The following ITGA4 variants were observed in gnomAD, a reference collection of about 807,000 sequenced individuals.
The protein encoded by ITGA4 is integrin alpha-4.
In ITGA4, 63 loss-of-function variants were observed where a neutral mutation model predicts 133.6. That is an observed-to-expected ratio of 0.47 (90% confidence interval 0.38 to 0.58). The LOEUF (loss-of-function observed/expected upper bound fraction) is 0.58, where lower values mean the gene tolerates loss of function less well. Ranked by LOEUF, ITGA4 falls within the 20% of genes least tolerant of loss-of-function variation. The probability of loss-of-function intolerance (pLI) is 0.00; values close to 1 mark genes in which losing one functional copy is unlikely to be tolerated. For synonymous variants in ITGA4, 483 were observed against 438.0 expected (o/e 1.10, Z -1.28); for missense variants, 1,076 against 1,252.7 (o/e 0.86, Z 2.13).
chr2:181,490,152 G>A (rs954292437), intron 10 of ITGA4, among the ~76,000 whole-genome samples: 3 of 152,190 alleles, frequency 2.0e-5, no homozygotes, highest in African/African-American at 7.2e-5. Flanking sequence ...AACCAATTAG[G>A]TCGGGGTCGA....
chr2:181,466,825 C>T (rs1685427806), intron 2 of ITGA4, among the ~76,000 whole-genome samples: 2 of 152,060 alleles, frequency 1.3e-5, no homozygotes, highest in Admixed American at 1.3e-4. Context: ...GCATTGTGAG[C>T]GCCCTCTGCT....
chr2:181,530,643 G>A lies in ITGA4; in HGVS notation c.2658G>A (p.Arg886=). 1 of 1,609,762 alleles carries A rather than the reference G, an allele frequency of 6.2e-7. No individual in the cohort carries two copies. The highest frequency in any genetic ancestry group is 1.7e-5 in the Admixed American group (1 of 59,648). The change falls in exon 24 of 28, where the codon AGG becomes AGA. Residue 886 remains arginine, a synonymous_variant. Transcript: ENST00000397033. ...IVRFLSKTDK[R]LLYCIKADPH... is the part of the protein sequence containing the mutation. ...GGTTCTTGTCCAAGACTGATAAGAG[G>A]CTATTGGTAAGTTTCAGTTTTTCAG...
At chr2:181,463,135 A>G (rs1685326746) in intron 2 of ITGA4, among the ~76,000 whole-genome samples, 1 of 152,194 alleles carries the variant, frequency 6.6e-6, no homozygotes, top group South Asian at 2.1e-4. Flanking sequence ...GTTTGCCAGA[A>G]AGAGCAAACT....
chr2:181,481,579 T>A lies in ITGA4; in HGVS notation c.755-19T>A. The stretch of plus-strand genomic sequence containing the variant: ...TGTACTTTACCCAGGACTCTCATAC[T>A]TTCTCCCTTTTCTTAAAGGATATTC... On this transcript the variant is annotated intron_variant, in intron 6 of 27. Coordinates refer to ENST00000397033, the MANE Select transcript of ITGA4 (RefSeq NM_000885.6). 5 of 1,469,622 alleles carry A rather than the reference T, an allele frequency of 3.4e-6. No homozygotes were observed. Among genetic ancestry groups the A allele is most frequent in the Non-Finnish European group, 4.7e-6 (5 of 1,056,478 alleles). The allele number at this position is 1,469,622 out of a possible 1,614,324, so 91.0% of individuals were successfully genotyped here.
Position 181,537,688 on chromosome 2 carries a change from G to A in ITGA4, c.*2161G>A, listed in dbSNP as rs1687222664. ...TTCAGAATTATCTAGGTTAAATATT[G>A]ATGTATTATGATGGTTGCAAAGTTT... On this transcript the variant is annotated 3_prime_UTR_variant, in exon 28 of 28. Transcript: ENST00000397033. 2.4e-6 allele frequency: 1 copy of A among 423,718 alleles called. No individual in the cohort carries two copies. The highest frequency in any genetic ancestry group is 4.7e-6 in the Non-Finnish European group (1 of 213,682). The allele number at this position is 423,718 out of a possible 1,614,324, so 26.2% of individuals were successfully genotyped here. A position where few individuals can be genotyped will look rare whatever the true frequency, so the allele number is the denominator to read the frequency against.
chr2:181,534,732 C>A, intron 26 of ITGA4, 84 bp from the exon 27 acceptor site: 1 of 1,173,842 alleles, frequency 8.5e-7, no homozygotes, highest in Non-Finnish European at 1.2e-6. Flanking sequence ...GGGATTATGG[C>A]AGGGCTTTAA....
At chr2:181,530,082 A>T (rs1686913804) in intron 23 of ITGA4, among the ~76,000 whole-genome samples, 1 of 152,222 alleles carries the variant, frequency 6.6e-6, no homozygotes, top group Non-Finnish European at 1.5e-5. Context: ...TGATGGTTCC[A>T]TCAGAATTGT....
intron 2 of ITGA4, among the ~76,000 whole-genome samples, chr2:181,461,940 A>G (rs776578034): frequency 1.3e-4 from 20 of 152,312 alleles, no homozygotes; most frequent in Non-Finnish European, 2.5e-4. Context: ...TTTATGATAT[A>G]TATTGAAACA....
rs538208494 is a variant in ITGA4 at position 181,526,821 on chromosome 2, C to CTTTTTTTTTTTTTTTTTTTTTTT, written c.2340-466_2340-444dup. ...TGTCACCCAGGTCAGAGCACATGGC[C>CTTTTTTTTTTTTTTTTTTTTTTT]TTTTTTTTTTTTTTTTTTTTTTTTT... On this transcript the variant is annotated intron_variant, in intron 21 of 27. Coordinates refer to ENST00000397033, the MANE Select transcript of ITGA4 (RefSeq NM_000885.6). 9.8e-5 allele frequency among the ~76,000 whole-genome samples: 4 copies of CTTTTTTTTTTTTTTTTTTTTTTT among 41,008 alleles called. 1 individual carries two copies. The highest frequency in any genetic ancestry group is 6.2e-5 in the African/African-American group (1 of 16,148). The allele number at this position is 41,008 out of a possible 152,430, so 26.9% of individuals were successfully genotyped here.
Position 181,498,782 on chromosome 2 carries a change from T to C in ITGA4, c.1695+5T>C. The stretch of plus-strand genomic sequence containing the variant: ...ACACATCAAGCATTTATGCGGGTAA[T>C]GTAAGCTATTTTTTATTAATGAATA... On this transcript the variant is annotated splice_donor_5th_base_variant and intron_variant, in intron 15 of 27. Coordinates refer to ENST00000397033, the MANE Select transcript of ITGA4 (RefSeq NM_000885.6). 1.3e-6 allele frequency: 2 copies of C among 1,585,720 alleles called. No individual in the cohort carries two copies. The highest frequency in any genetic ancestry group is 1.7e-6 in the Non-Finnish European group (2 of 1,168,252).
rs1039096329 is a variant in ITGA4, at chr2:181,523,134, C to G, written c.2074-303C>G. The stretch of plus-strand genomic sequence containing the variant: ...CCAGAATTTTTTTTTTGTGGAGAAT[C>G]TGTTTGAATACTAGAGTACACACAT... On this transcript the variant is annotated intron_variant, in intron 18 of 27. Transcript: ENST00000397033. The surrounding 1 kb of genome is among the most constrained non-coding windows in gnomAD (Gnocchi z 4.2). 1.3e-5 allele frequency among the ~76,000 whole-genome samples: 2 copies of G among 151,588 alleles called. No homozygotes were observed. Among genetic ancestry groups the G allele is most frequent in the African/African-American group, 4.8e-5 (2 of 41,250 alleles).
chr2:181,486,132 A>C (rs571468967), intron 10 of ITGA4, 140 bp downstream of exon 10: 1 of 1,075,600 alleles, frequency 9.3e-7, no homozygotes, highest in African/African-American at 1.6e-5. Flanking sequence ...TCTTTTCTTT[A>C]GTGTTATATA....
Position 181,495,769 on chromosome 2 carries a change from T to C in ITGA4, c.1386-14T>C. 2 of 1,603,122 alleles carry C rather than the reference T, an allele frequency of 1.2e-6. No individual in the cohort carries two copies. The highest frequency in any genetic ancestry group is 1.7e-6 in the Non-Finnish European group (2 of 1,176,240). ...ATTCTGCAATTAACATTGCTACTTT[T>C]ATTTCCTTCTCAGGACAAGACCTGT... On this transcript the variant is annotated splice_polypyrimidine_tract_variant and intron_variant, in intron 13 of 27. Coordinates refer to ENST00000397033, the MANE Select transcript of ITGA4 (RefSeq NM_000885.6). This position sits in a 1 kb window ranked among gnomAD's most constrained non-coding sequence, Gnocchi z 4.3.
chr2:181,478,941 TCTTAAA>T (rs940409767), intron 5 of ITGA4, 117 bp downstream of exon 5: 3 of 480,224 alleles, frequency 6.2e-6, no homozygotes, highest in Non-Finnish European at 1.1e-5. Flanking sequence ...TCATCATGTC[TCTTAAA>T]CTTGAGTATT....
chr2:181,481,782 AAGATT>A, intron 7 of ITGA4, 99 bp downstream of exon 7: 1 of 461,212 alleles, frequency 2.2e-6, no homozygotes, highest in South Asian at 3.6e-5. Context: ...TAAGGAAAGA[AAGATT>A]AGAAATGATG....
chr2:181,535,266 C>G (rs1345051048), intron 27 of ITGA4, among the ~76,000 whole-genome samples, 166 bp from the exon 28 acceptor site: 1 of 152,002 alleles, frequency 6.6e-6, no homozygotes, highest in Non-Finnish European at 1.5e-5. Context: ...CCCAGTATGT[C>G]CCCACTAATT....
Position 181,525,288 on chromosome 2 carries a change from A to C in ITGA4, c.2336A>C (p.His779Pro). The C allele has an allele frequency of 6.5e-7, 1 of 1,536,340 alleles. No individual in the cohort carries two copies. Among genetic ancestry groups the C allele is most frequent in the Non-Finnish European group, 9.0e-7 (1 of 1,110,604 alleles). The change falls in exon 21 of 28, where the codon CAT (histidine) becomes CCT (proline). Residue 779 changes from histidine to proline, a missense_variant. Physicochemically the swap from His to Pro is moderately conservative, Grantham distance 77. This residue lies in a region of ITGA4 where 365 missense variants were observed against 421.4 expected (regional missense o/e 0.87). Transcript: ENST00000397033. ...PLKYEVKLTV[H>P]GFVNPTSFVY... ...AAATATGAGGTTAAGCTGACTGTTC[A>C]TGGGTAAGTAGACATAAAGGCTTCC...
chr2:181,524,356 C>T, intron 20 of ITGA4, 106 bp downstream of exon 20: 1 of 622,248 alleles, frequency 1.6e-6, no homozygotes, highest in Non-Finnish European at 2.7e-6. Context: ...TAAGAGAAAA[C>T]TTCTCTTACG....
At chr2:181,501,238 T>A (rs1419447502) in intron 15 of ITGA4, among the ~76,000 whole-genome samples, 1 of 152,170 alleles carries the variant, frequency 6.6e-6, no homozygotes, top group East Asian at 1.9e-4. Flanking sequence ...GGACCCATAC[T>A]TTGAGAACAG....
Sources: allele counts gnomAD v4.1 joint callset (sites outside exome capture counted in the v4.1 genomes callset), GRCh38; gene constraint gnomAD v4.1.1; regional missense constraint gnomAD v4.1.1; non-coding constraint Gnocchi (gnomAD v3.1); transcripts MANE v1.5; gene names NCBI Gene and HGNC (gene_info 2026-07-23, HGNC 2026-07-21).